The following DDHD1 variants were observed in gnomAD, a reference collection of about 807,000 sequenced individuals.
DDHD1 encodes phospholipase DDHD1.
In DDHD1, 49 loss-of-function variants were observed where a neutral mutation model predicts 96.4. The ratio of observed to expected loss-of-function variants is 0.51; its 90% CI spans 0.40 to 0.64. The LOEUF is 0.64. Among genes scored for constraint, DDHD1 ranks in the 30% least tolerant of loss-of-function variants. The probability of loss-of-function intolerance (pLI) is 0.00; values close to 1 mark genes in which losing one functional copy is unlikely to be tolerated. For synonymous variants in DDHD1, 442 were observed against 446.5 expected, an observed-to-expected ratio of 0.99 and a Z score of 0.13; for missense variants, 1,106 against 1,161.2, an observed-to-expected ratio of 0.95 and a Z score of 0.69.
chr14:53,130,082 T>C (rs753195099), intron 1 of DDHD1, among the ~76,000 whole-genome samples: 27 of 152,068 alleles, frequency 1.8e-4, no homozygotes, highest in Admixed American at 3.9e-4. Flanking sequence ...CCATCTGACC[T>C]CTCCCCTCCT....
chr14:53,065,183 G>A (rs1337585205), intron 6 of DDHD1, among the ~76,000 whole-genome samples: 2 of 152,032 alleles, frequency 1.3e-5, no homozygotes, highest in African/African-American at 2.4e-5. Context: ...TAAAATTTAC[G>A]AAGGAAATGA....
At chr14:53,058,731 C>T in intron 8 of DDHD1, 105 bp from the exon 9 acceptor site, 1 of 1,016,564 alleles carries the variant, frequency 9.8e-7, no homozygotes, top group Non-Finnish European at 1.4e-6. Flanking sequence ...AATAAAATAT[C>T]TTTGAGTATA....
At chr14:53,101,916 GAA>G (rs543147936) in intron 2 of DDHD1, among the ~76,000 whole-genome samples, 1 of 144,968 alleles carries the variant, frequency 6.9e-6, no homozygotes, top group Non-Finnish European at 1.5e-5. Context: ...TTAGCAAATG[GAA>G]AAAAAAAAAG....
At chr14:53,075,679 AGAG>A (rs1488042478) in intron 4 of DDHD1, among the ~76,000 whole-genome samples, 3 of 152,212 alleles carry the variant, frequency 2.0e-5, no homozygotes, top group Non-Finnish European at 2.9e-5. Context: ...TCACAGCTAG[AGAG>A]GAGAAGTCAA....
chr14:53,079,605 G>A (rs1399129581), intron 4 of DDHD1, among the ~76,000 whole-genome samples: 1 of 152,160 alleles, frequency 6.6e-6, no homozygotes, highest in Non-Finnish European at 1.5e-5. Flanking sequence ...TTTGCTGGTA[G>A]TAATGTCTCC....
Position 53,152,546 on chromosome 14 carries a change from A to G in DDHD1, c.553T>C (p.Tyr185His), listed in dbSNP as rs753134553. Residue 185 changes from tyrosine (Y) to histidine (H), a missense_variant, in exon 1 of 13, where the codon TAC becomes CAC. This residue lies in a region of DDHD1 where 456 missense variants were observed against 402.4 expected (regional missense o/e 1.13). Coordinates refer to ENST00000673822, the MANE Select transcript of DDHD1 (RefSeq NM_001160148.2). ...DKKTWKPFIGYDSLRIELAFR... is the reference protein window; with the variant it reads ...DKKTWKPFIGHDSLRIELAFR... Reference sequence around the variant, plus strand: ...GCGAGCTCGATGCGGAGCGAGTCGTAGCCGATGAAGGGCTTCCAGGTCTTC... The same window carrying G: ...GCGAGCTCGATGCGGAGCGAGTCGTGGCCGATGAAGGGCTTCCAGGTCTTC... The G allele has an allele frequency of 6.2e-7, 1 of 1,613,840 alleles. No individual in the cohort carries two copies. Among genetic ancestry groups the G allele is most frequent in the South Asian group, 1.1e-5 (1 of 91,088 alleles).
chr14:53,133,318 A>C (rs1039944129), intron 1 of DDHD1, among the ~76,000 whole-genome samples: 9 of 152,192 alleles, frequency 5.9e-5, no homozygotes, highest in South Asian at 2.1e-4. Flanking sequence ...GGATGGGTAG[A>C]GGCCTTTCCC....
chr14:53,139,893 T>TG (rs1395369009), intron 1 of DDHD1, among the ~76,000 whole-genome samples: 1 of 146,496 alleles, frequency 6.8e-6, no homozygotes, highest in Non-Finnish European at 1.5e-5. Context: ...TGCCCACAGA[T>TG]GCTGGAACTA....
chr14:53,051,244 T>C (rs1021757261), intron 12 of DDHD1, among the ~76,000 whole-genome samples: 3 of 151,762 alleles, frequency 2.0e-5, no homozygotes, highest in African/African-American at 7.3e-5. Context: ...CAGAAGTTAG[T>C]CATAAAAATA....
At chr14:53,103,886 C>T in intron 1 of DDHD1, 30 bp from the exon 2 acceptor site, 2 of 1,538,514 alleles carry the variant, frequency 1.3e-6, no homozygotes, top group Non-Finnish European at 1.7e-6. Context: ...GAATTATACA[C>T]ATTTTAAGAT....
chr14:53,098,965 T>A (rs756201974), intron 2 of DDHD1, among the ~76,000 whole-genome samples: 4 of 152,074 alleles, frequency 2.6e-5, no homozygotes, highest in Non-Finnish European at 5.9e-5. Flanking sequence ...TTATCTTATA[T>A]ATACAAATAT....
At chr14:53,143,765 A>C (rs966512250) in intron 1 of DDHD1, among the ~76,000 whole-genome samples, 1 of 152,258 alleles carries the variant, frequency 6.6e-6, no homozygotes, top group African/African-American at 2.4e-5. Flanking sequence ...GCTAAATTGT[A>C]GGATCTAAGA....
At chr14:53,152,163 G>T in intron 1 of DDHD1, 98 bp downstream of exon 1, 3 of 1,252,496 alleles carry the variant, frequency 2.4e-6, no homozygotes, top group East Asian at 5.2e-5. Context: ...GGCCTCACGC[G>T]CCTCCCTCTT....
chr14:53,061,191 T>C lies in DDHD1; in HGVS notation c.1777A>G (p.Ile593Val), dbSNP rs1382201267. 7 of 1,610,918 alleles carry C rather than the reference T, an allele frequency of 4.3e-6. No individual in the cohort carries two copies. The East Asian group carries it at 1.1e-4, about 26-fold the overall frequency. ...TTCAATCCGTGAAGCCGTTCTTCTA[T>C]TTCCTTCAGCCTAAGAAGGGGTATG... ...LYITKRRLKE[I>V]EERLHGLKAS... Residue 593 changes from isoleucine to valine, a missense_variant, in exon 8 of 13, where the codon ATA becomes GTA. By Grantham distance (29) the Ile-to-Val change is conservative. Around this residue, in one of 2 missense-constraint regions of DDHD1, gnomAD observed 650 missense variants for 758.8 expected, o/e 0.86. Coordinates refer to ENST00000673822, the MANE Select transcript of DDHD1 (RefSeq NM_001160148.2).
intron 12 of DDHD1, 94 bp downstream of exon 12, chr14:53,051,750 A>G (rs1358739750): frequency 1.0e-6 from 1 of 979,512 alleles, no homozygotes; most frequent in Non-Finnish European, 1.5e-6. Flanking sequence ...CTGGGATCTC[A>G]TAGAAGAACT....
chr14:53,065,218 T>C (rs900601800), intron 6 of DDHD1, among the ~76,000 whole-genome samples: 15 of 152,180 alleles, frequency 9.9e-5, no homozygotes, highest in Non-Finnish European at 1.9e-4. Flanking sequence ...AACCCGGCAG[T>C]TTCAAGAGTT....
chr14:53,152,113 G>GAGATTGGACGTGTAGAT lies in DDHD1; in HGVS notation c.838+147_838+148insATCTACACGTCCAATCT. ...GCTCGTTTACCCTTCAGCTGCCGAC[G>GAGATTGGACGTGTAGAT]CTCCCTGCTCAATCTCCATCCTGCC... On this transcript the variant is annotated intron_variant, in intron 1 of 12. Transcript: ENST00000673822. 4 of 833,738 alleles carry GAGATTGGACGTGTAGAT rather than the reference G, an allele frequency of 4.8e-6. No individual in the cohort carries two copies. In the South Asian group the frequency reaches 5.8e-5, roughly 12 times the overall value. 51.6% of individuals were successfully genotyped at this position (833,738 alleles called of 1,614,324 possible). A position where few individuals can be genotyped will look rare whatever the true frequency, so the allele number is the denominator to read the frequency against.
chr14:53,152,147 ACGCCAGGCC>A, intron 1 of DDHD1, 105 bp downstream of exon 1: 1 of 1,090,674 alleles, frequency 9.2e-7, no homozygotes, highest in African/African-American at 1.6e-5. Flanking sequence ...CCCCAGCCAA[ACGCCAGGCC>A]TCACGCGCCT....
At position 53,080,589 on chromosome 14, in the gene DDHD1, T is replaced by C. The variant is rs571984112; in HGVS notation, c.1290-6742A>G. Among the ~76,000 whole-genome samples, 4 of 152,254 alleles carry C rather than the reference T, an allele frequency of 2.6e-5. No individual in the cohort carries two copies. In the East Asian group the frequency reaches 5.8e-4, roughly 22 times the overall value. On this transcript the variant is annotated intron_variant, in intron 4 of 12. Coordinates refer to ENST00000673822, the MANE Select transcript of DDHD1 (RefSeq NM_001160148.2). ...TTTTCCTAGACAATATATTTATCAA[T>C]ATTTTTCCTTATTTCTCGTGGATCA...
Sources: gnomAD v4.1 joint callset for allele counts (sites outside exome capture counted in the v4.1 genomes callset) on GRCh38, gnomAD v4.1.1 for gene constraint, gnomAD v4.1.1 regional missense constraint, MANE v1.5 for transcripts, NCBI Gene and HGNC (gene_info 2026-07-23, HGNC 2026-07-21) for gene names.